TRIQK: variants seen among roughly 807,000 people sequenced by gnomAD.
TRIQK encodes the protein triple QxxK/R motif-containing protein.
TRIQK carries 10 observed loss-of-function variants against 10.8 expected under a neutral mutation model. That is an observed-to-expected ratio of 0.92 (90% confidence interval 0.57 to 1.57). TRIQK has a LOEUF of 1.57. Ranked by LOEUF, TRIQK falls within the 40% of genes most tolerant of loss-of-function variation. TRIQK has a pLI of 0.00. For synonymous variants in TRIQK, 33 were observed against 33.7 expected, an observed-to-expected ratio of 0.98 and a Z score of 0.07; for missense variants, 107 against 97.7, an observed-to-expected ratio of 1.09 and a Z score of -0.40.
At chr8:92,917,789 A>G (rs1809943867) in intron 2 of TRIQK, among the ~76,000 whole-genome samples, 1 of 152,012 alleles carries the variant, frequency 6.6e-6, no homozygotes, top group South Asian at 2.1e-4. Flanking sequence ...ATTGTTAATC[A>G]TAATTTTCCT....
intron 3 of TRIQK, 28 bp from the exon 4 acceptor site, chr8:92,892,102 G>T (rs1018057823): frequency 1.8e-5 from 25 of 1,358,340 alleles, no homozygotes; most frequent in Non-Finnish European, 2.5e-5. Context: ...CAGACAATGA[G>T]TTATGCTCAT....
intron 1 of TRIQK, among the ~76,000 whole-genome samples, chr8:92,997,622 T>G (rs939702530): frequency 4.6e-5 from 7 of 152,082 alleles, no homozygotes; most frequent in Non-Finnish European, 8.8e-5. Flanking sequence ...TGTTGTAAGC[T>G]CTAGTGAGCA....
chr8:92,933,796 T>C (rs914847277), intron 2 of TRIQK, among the ~76,000 whole-genome samples: 5 of 152,104 alleles, frequency 3.3e-5, no homozygotes, highest in African/African-American at 1.2e-4. Flanking sequence ...TATTGATTCA[T>C]CACTTAATCT....
At chr8:93,011,679 C>T (rs1399256239) in intron 1 of TRIQK, among the ~76,000 whole-genome samples, 1 of 152,088 alleles carries the variant, frequency 6.6e-6, no homozygotes, top group African/African-American at 2.4e-5. Flanking sequence ...GGAAGAAGAA[C>T]ATCATCAAAT....
At chr8:92,949,780 GAAAAAGAAAGAAAGA>G (rs869306929) in intron 2 of TRIQK, among the ~76,000 whole-genome samples, 1 of 76,762 alleles carries the variant, frequency 1.3e-5, no homozygotes, top group African/African-American at 6.1e-5. Context: ...AGGAAAGAAA[GAAAAAGAAAGAAAGA>G]AAGAAAGAAA....
At chr8:92,905,278 G>T (rs1351929292) in intron 3 of TRIQK, among the ~76,000 whole-genome samples, 1 of 152,066 alleles carries the variant, frequency 6.6e-6, no homozygotes, top group Non-Finnish European at 1.5e-5. Context: ...CAACAGCCAT[G>T]AACAAAAATA....
At chr8:92,924,165 T>A (rs1357987207) in intron 2 of TRIQK, among the ~76,000 whole-genome samples, 1 of 151,974 alleles carries the variant, frequency 6.6e-6, no homozygotes, top group Non-Finnish European at 1.5e-5. Flanking sequence ...TGAGAACCAA[T>A]CATGAAAATA....
chr8:92,916,897 TA>T, intron 3 of TRIQK, 31 bp downstream of exon 3: 1 of 1,380,846 alleles, frequency 7.2e-7, no homozygotes, highest in Non-Finnish European at 9.5e-7. Flanking sequence ...TCTCAATTAA[TA>T]GGAGTGTATC....
chr8:92,922,056 T>C (rs1810221797), intron 2 of TRIQK, among the ~76,000 whole-genome samples: 1 of 151,848 alleles, frequency 6.6e-6, no homozygotes, highest in Non-Finnish European at 1.5e-5. Context: ...TCTAGGAATA[T>C]TCAAATTATG....
chr8:92,980,556 C>A (rs761519492), intron 1 of TRIQK, among the ~76,000 whole-genome samples: 2 of 151,956 alleles, frequency 1.3e-5, no homozygotes, highest in Non-Finnish European at 2.9e-5. Context: ...TAAAAAGTAT[C>A]TGGACCTGGT....
At chr8:92,937,979 T>C (rs1227958994) in intron 2 of TRIQK, among the ~76,000 whole-genome samples, 1 of 152,018 alleles carries the variant, frequency 6.6e-6, no homozygotes, top group Non-Finnish European at 1.5e-5. Flanking sequence ...TTGTTCCTTG[T>C]GTGATGTTTC....
chr8:92,889,170 T>C (rs1291890612), intron 4 of TRIQK, among the ~76,000 whole-genome samples: 1 of 151,650 alleles, frequency 6.6e-6, no homozygotes, highest in Non-Finnish European at 1.5e-5. Flanking sequence ...ACTGTTCCCT[T>C]AAAACGCTAT....
chr8:92,940,508 T>C (rs892106754), intron 2 of TRIQK, among the ~76,000 whole-genome samples: 4 of 152,068 alleles, frequency 2.6e-5, no homozygotes, highest in African/African-American at 9.7e-5. Context: ...ACTTTAAATT[T>C]TAAAACCATA....
At chr8:92,934,019 G>A (rs535711313) in intron 2 of TRIQK, among the ~76,000 whole-genome samples, 11 of 152,140 alleles carry the variant, frequency 7.2e-5, no homozygotes, top group Admixed American at 3.9e-4. Flanking sequence ...GTTCCACACA[G>A]AGAGAGCAGG....
intron 1 of TRIQK, among the ~76,000 whole-genome samples, chr8:92,982,410 C>A (rs1471415660): frequency 6.6e-6 from 1 of 151,938 alleles, no homozygotes; most frequent in Non-Finnish European, 1.5e-5. Context: ...TAACTGTACT[C>A]TGAAAACTCA....
At chr8:92,993,639 G>A (rs1490256235) in intron 1 of TRIQK, among the ~76,000 whole-genome samples, 2 of 152,124 alleles carry the variant, frequency 1.3e-5, no homozygotes, top group Non-Finnish European at 2.9e-5. Context: ...TCCAATCATG[G>A]AGATATCTGC....
At chr8:92,982,266 A>G (rs1299294887) in intron 1 of TRIQK, among the ~76,000 whole-genome samples, 2 of 151,980 alleles carry the variant, frequency 1.3e-5, no homozygotes, top group Non-Finnish European at 2.9e-5. Flanking sequence ...TATGGAATAT[A>G]TAGTTTGGAG....
chr8:92,957,037 AATG>A (rs1217029662), intron 1 of TRIQK, among the ~76,000 whole-genome samples: 2 of 151,940 alleles, frequency 1.3e-5, no homozygotes, highest in East Asian at 1.9e-4. Context: ...TGAGTTTCCT[AATG>A]ATTAACTGAC....
chr8:92,995,923 C>G (rs1447174174), intron 1 of TRIQK, among the ~76,000 whole-genome samples: 2 of 151,924 alleles, frequency 1.3e-5, no homozygotes, highest in Non-Finnish European at 2.9e-5. Flanking sequence ...AGTCATGTGA[C>G]GGGAATTCTA....
Sources: allele counts gnomAD v4.1 joint callset (sites outside exome capture counted in the v4.1 genomes callset), GRCh38; gene constraint gnomAD v4.1.1; transcripts MANE v1.5; gene names NCBI Gene and HGNC (gene_info 2026-07-23, HGNC 2026-07-21).